The following PRTG variants were observed in gnomAD, a reference collection of about 807,000 sequenced individuals.
PRTG encodes the protein immunoglobulin superfamily, DCC subclass, member 5.
PRTG carries 67 observed loss-of-function variants against 122.5 expected under a neutral mutation model. The ratio of observed to expected loss-of-function variants is 0.55; its 90% CI spans 0.45 to 0.67. The LOEUF (loss-of-function observed/expected upper bound fraction) is 0.67, where lower values mean the gene tolerates loss of function less well. PRTG is among the 30% of genes least tolerant of loss of function. PRTG has a pLI of 0.00. For missense variants in PRTG, 1,435 were observed against 1,415.4 expected (o/e 1.01, Z -0.22); for synonymous variants, 554 against 501.1 (o/e 1.11, Z -1.41).
chr15:55,671,548 G>A (rs982898216), intron 11 of PRTG, among the ~76,000 whole-genome samples: 6 of 152,056 alleles, frequency 3.9e-5, no homozygotes, highest in East Asian at 1.9e-4. Flanking sequence ...AGGCTGGAGC[G>A]TAGTGGCGCG....
intron 15 of PRTG, among the ~76,000 whole-genome samples, chr15:55,631,102 T>C (rs867679892): frequency 1.3e-5 from 2 of 152,170 alleles, no homozygotes; most frequent in Non-Finnish European, 2.9e-5. Flanking sequence ...CTTGTTTTCA[T>C]GTTCTCTGGT....
At chr15:55,702,803 AAC>A (rs372278027) in intron 2 of PRTG, 6,390 of 438,204 alleles carry the variant, frequency 0.015, 2 homozygotes, top group Non-Finnish European at 0.018. Context: ...CACATGTGCA[AAC>A]ACACACACAC....
intron 2 of PRTG, chr15:55,738,708 G>C (rs1395828879): frequency 3.0e-6 from 1 of 338,186 alleles, no homozygotes; most frequent in African/African-American, 2.2e-5. Context: ...ATTGGCCAAT[G>C]ATTACGGGGG....
At chr15:55,673,208 C>T (rs976617337) in intron 10 of PRTG, among the ~76,000 whole-genome samples, 163 bp downstream of exon 10, 6 of 151,964 alleles carry the variant, frequency 3.9e-5, no homozygotes, top group Admixed American at 2.0e-4. Flanking sequence ...TATGCAAAAG[C>T]GACTACTTAA....
chr15:55,702,906 T>A (rs1295955386), intron 2 of PRTG: 2 of 985,288 alleles, frequency 2.0e-6, no homozygotes, highest in Non-Finnish European at 2.4e-6. Context: ...TTTTACAGGC[T>A]GCTGATCCAG....
At chr15:55,687,389 G>A (rs1344076899) in intron 2 of PRTG, among the ~76,000 whole-genome samples, 1 of 152,058 alleles carries the variant, frequency 6.6e-6, no homozygotes, top group Non-Finnish European at 1.5e-5. Context: ...TGTGATTATT[G>A]AGAATAAAAA....
At chr15:55,715,522 C>T (rs559946639) in intron 2 of PRTG, among the ~76,000 whole-genome samples, 1 of 152,284 alleles carries the variant, frequency 6.6e-6, no homozygotes, top group South Asian at 2.1e-4. Context: ...AAAGTGACCT[C>T]AGGGCAACTC....
At chr15:55,733,501 ACT>A (rs2031305872) in intron 2 of PRTG, among the ~76,000 whole-genome samples, 1 of 140,300 alleles carries the variant, frequency 7.1e-6, no homozygotes, top group South Asian at 2.3e-4. Context: ...CAAGAGCAAA[ACT>A]CTGTCTCAAA....
chr15:55,666,721 T>C (rs945163303), intron 11 of PRTG, among the ~76,000 whole-genome samples: 1 of 152,224 alleles, frequency 6.6e-6, no homozygotes, highest in African/African-American at 2.4e-5. Flanking sequence ...TCTAAATACA[T>C]TGCTCTCCTG....
At chr15:55,694,742 T>G (rs2059622831) in intron 2 of PRTG, among the ~76,000 whole-genome samples, 1 of 152,170 alleles carries the variant, frequency 6.6e-6, no homozygotes, top group African/African-American at 2.4e-5. Context: ...CAAACTATTT[T>G]CAGTATTATC....
chr15:55,649,258 T>C (rs992901796), intron 11 of PRTG, among the ~76,000 whole-genome samples: 7 of 152,098 alleles, frequency 4.6e-5, no homozygotes, highest in Non-Finnish European at 8.8e-5. Flanking sequence ...AGAGCTGGGA[T>C]ATTAAACCCA....
At chr15:55,703,540 G>A (rs1203397476) in intron 2 of PRTG, among the ~76,000 whole-genome samples, 1 of 152,160 alleles carries the variant, frequency 6.6e-6, no homozygotes, top group Non-Finnish European at 1.5e-5. Context: ...GGAATTTAAA[G>A]AAGAGGTTAA....
rs760462655 is a variant in PRTG at position 55,740,523 on chromosome 15, C to T, written c.256G>A (p.Glu86Lys). 6.2e-7 allele frequency: 1 copy of T among 1,614,188 alleles called. No homozygotes were observed. Among genetic ancestry groups the T allele is most frequent in the Non-Finnish European group, 8.5e-7 (1 of 1,180,026 alleles). ...GAKMSENKRIEVLSNGSLYIS... is the reference protein window; with the variant it reads ...GAKMSENKRIKVLSNGSLYIS... ...TATAAAGAGCCGTTAGAAAGAACCT[C>T]GATCCGTTTATTTTCAGACATTTTT... is the stretch of plus-strand genomic sequence containing the variant. The change falls in exon 2 of 20, where the codon GAG (glutamate) becomes AAG (lysine). Residue 86 changes from glutamate to lysine, a missense_variant. Glu to Lys is a moderately conservative substitution (Grantham distance 56, BLOSUM62 1). Coordinates refer to ENST00000389286, the MANE Select transcript of PRTG (RefSeq NM_173814.6).
At chr15:55,672,706 CT>C in intron 10 of PRTG, 73 bp from the exon 11 acceptor site, 1 of 1,141,272 alleles carries the variant, frequency 8.8e-7, no homozygotes, top group Non-Finnish European at 1.2e-6. Flanking sequence ...TAGGGTAGTT[CT>C]CTCAGTTTTA....
intron 16 of PRTG, among the ~76,000 whole-genome samples, chr15:55,627,650 G>T (rs1416018026): frequency 6.6e-6 from 1 of 151,960 alleles, no homozygotes; most frequent in Non-Finnish European, 1.5e-5. Flanking sequence ...CAATATTAAA[G>T]ATTTTAAATG....
At position 55,679,370 on chromosome 15, in the gene PRTG, G is replaced by C; in HGVS notation, c.1049C>G (p.Ala350Gly). The C allele has an allele frequency of 6.2e-7, 1 of 1,612,756 alleles. No homozygotes were observed. The highest frequency in any genetic ancestry group is 8.5e-7 in the Non-Finnish European group (1 of 1,178,908). ...RAGTARFVCQ[A>G]EGIPSPKMSW... is the part of the protein sequence containing the mutation. ...CATCTTGGGAGAGGGGATTCCTTCTGCCTGACACACAAATCGAGCAGTGCC... is the reference window on the plus strand; with the variant it reads ...CATCTTGGGAGAGGGGATTCCTTCTCCCTGACACACAAATCGAGCAGTGCC... The change falls in exon 7 of 20, where the codon GCA (alanine) becomes GGA (glycine). Residue 350 changes from alanine to glycine, a missense_variant. By Grantham distance (60) the Ala-to-Gly change is moderately conservative (BLOSUM62 0). Coordinates refer to ENST00000389286, the MANE Select transcript of PRTG (RefSeq NM_173814.6).
In PRTG at chr15:55,680,490, C is replaced by T; in HGVS notation, c.814+1G>A. 6.3e-7 allele frequency: 1 copy of T among 1,580,306 alleles called. No individual in the cohort carries two copies. The highest frequency in any genetic ancestry group is 1.2e-5 in the South Asian group (1 of 82,396). ...TTTTTTTTTTTCCTGAGAAGACTTACCAAGGCGGCTCCAAGAAATGATTGG... is the reference window on the plus strand; with the variant it reads ...TTTTTTTTTTTCCTGAGAAGACTTATCAAGGCGGCTCCAAGAAATGATTGG... On this transcript the variant is annotated splice_donor_variant, in intron 5 of 19. Coordinates refer to ENST00000389286, the MANE Select transcript of PRTG (RefSeq NM_173814.6). LOFTEE classifies it high-confidence loss of function.
chr15:55,686,548 C>G (rs1159280443), intron 2 of PRTG, among the ~76,000 whole-genome samples: 1 of 152,134 alleles, frequency 6.6e-6, no homozygotes, highest in Non-Finnish European at 1.5e-5. Context: ...CTCTTCATCC[C>G]TAACAGTCCT....
intron 2 of PRTG, among the ~76,000 whole-genome samples, chr15:55,719,324 A>G (rs1346869893): frequency 6.6e-6 from 1 of 152,344 alleles, no homozygotes; most frequent in East Asian, 1.9e-4. Context: ...ACAAAACAAA[A>G]AACAGTGTGT....
Sources: allele counts gnomAD v4.1 joint callset (sites outside exome capture counted in the v4.1 genomes callset), GRCh38; gene constraint gnomAD v4.1.1; transcripts MANE v1.5; gene names NCBI Gene and HGNC (gene_info 2026-07-23, HGNC 2026-07-21).